The following ITGA11 variants were observed in gnomAD, a reference collection of about 807,000 sequenced individuals.
The protein encoded by ITGA11 is integrin alpha-11.
In ITGA11, 97 loss-of-function variants were observed where a neutral mutation model predicts 141.9. The observed-to-expected ratio is 0.68, with a 90% CI of 0.58 to 0.81. The LOEUF (loss-of-function observed/expected upper bound fraction) is 0.81, where lower values mean the gene tolerates loss of function less well. Among genes scored for constraint, ITGA11 ranks in the 30% least tolerant of loss-of-function variants. The pLI is 0.00. For synonymous variants in ITGA11, 658 were observed against 624.6 expected (o/e 1.05, Z -0.80); for missense variants, 1,387 against 1,559.2 (o/e 0.89, Z 1.86).
rs1892921189 is a variant in ITGA11 at position 68,296,885 on chromosome 15, T to C, written c.*6174A>G. Reference sequence around the variant, plus strand: ...CACTTTTATGGCTTCCCTTCCCTTCTTTCTCCTTCTCTTCTTTGGTTTAAA... The same window carrying C: ...CACTTTTATGGCTTCCCTTCCCTTCCTTCTCCTTCTCTTCTTTGGTTTAAA... On this transcript the variant is annotated 3_prime_UTR_variant, in exon 30 of 30. Transcript: ENST00000315757. 6.6e-6 allele frequency: 1 copy of C among 152,088 alleles called. No individual in the cohort carries two copies. Among genetic ancestry groups the C allele is most frequent in the South Asian group, 2.1e-4 (1 of 4,810 alleles). 9.4% of individuals were successfully genotyped at this position (152,088 alleles called of 1,614,324 possible). A position where few individuals can be genotyped will look rare whatever the true frequency, so the allele number is the denominator to read the frequency against.
At chr15:68,412,840 T>A (rs1896807064) in intron 1 of ITGA11, among the ~76,000 whole-genome samples, 1 of 152,028 alleles carries the variant, frequency 6.6e-6, no homozygotes, top group Non-Finnish European at 1.5e-5. Context: ...CATGCCTGGC[T>A]AATTTTTGTA....
chr15:68,317,076 G>A (rs1893604874), intron 21 of ITGA11, among the ~76,000 whole-genome samples, 189 bp downstream of exon 21: 1 of 152,184 alleles, frequency 6.6e-6, no homozygotes, highest in Non-Finnish European at 1.5e-5. Flanking sequence ...TGCTAGCATG[G>A]GGATGGCTGG....
chr15:68,310,598 A>G (rs551444181), intron 26 of ITGA11, among the ~76,000 whole-genome samples: 159 of 152,328 alleles, frequency 1.0e-3, no homozygotes, highest in African/African-American at 3.7e-3. Flanking sequence ...AAATGTCTCC[A>G]ATACAAGCCA....
chr15:68,350,495 T>G, intron 9 of ITGA11, 122 bp downstream of exon 9: 1 of 950,062 alleles, frequency 1.1e-6, no homozygotes, highest in Non-Finnish European at 1.5e-6. Context: ...TGGCCTGGCA[T>G]TTATTATTAC....
intron 2 of ITGA11, among the ~76,000 whole-genome samples, chr15:68,388,263 T>C (rs533849776): frequency 6.6e-6 from 1 of 152,270 alleles, no homozygotes; most frequent in South Asian, 2.1e-4. Context: ...TCCTTGAACA[T>C]CTCAAGCATG....
At chr15:68,405,367 T>C (rs966341237) in intron 1 of ITGA11, among the ~76,000 whole-genome samples, 1 of 152,046 alleles carries the variant, frequency 6.6e-6, no homozygotes, top group Non-Finnish European at 1.5e-5. Flanking sequence ...CTGGGCTCAG[T>C]AGGCAAGAGG....
chr15:68,328,335 C>G lies in ITGA11; in HGVS notation c.1902-73G>C. On this transcript the variant is annotated intron_variant, in intron 15 of 29. Coordinates refer to ENST00000315757, the MANE Select transcript of ITGA11 (RefSeq NM_001004439.2). The surrounding 1 kb of genome is among the most constrained non-coding windows in gnomAD (Gnocchi z 4.8). The stretch of plus-strand genomic sequence containing the variant: ...GCCCTGCTGTGACCATGGGGAAAGA[C>G]AAGAACCAGATGCGAGTGGGATCTG... 7.0e-7 allele frequency: 1 copy of G among 1,428,524 alleles called. No homozygotes were observed. The highest frequency in any genetic ancestry group is 2.3e-5 in the East Asian group (1 of 42,774). The allele number at this position is 1,428,524 out of a possible 1,614,324, so 88.5% of individuals were successfully genotyped here.
chr15:68,388,248 G>T (rs1209511454), intron 2 of ITGA11, among the ~76,000 whole-genome samples: 1 of 152,060 alleles, frequency 6.6e-6, no homozygotes, highest in Non-Finnish European at 1.5e-5. Flanking sequence ...AGCCACACTT[G>T]CTGTTCCTTG....
intron 1 of ITGA11, among the ~76,000 whole-genome samples, chr15:68,427,326 T>C (rs1897166553): frequency 6.6e-6 from 1 of 152,218 alleles, no homozygotes; most frequent in Non-Finnish European, 1.5e-5. Context: ...ATGAATTACA[T>C]ATGGACATTT....
At position 68,328,842 on chromosome 15, in the gene ITGA11, C is replaced by T. The variant is rs567784677; in HGVS notation, c.1902-580G>A. ...GTTCCATGGACCACACTTCGAAGAGCGAGGCGTTAAAGCACCCCAGGTGAT... is the reference window on the plus strand; with the variant it reads ...GTTCCATGGACCACACTTCGAAGAGTGAGGCGTTAAAGCACCCCAGGTGAT... On this transcript the variant is annotated intron_variant, in intron 15 of 29. Transcript: ENST00000315757. The surrounding 1 kb of genome is among the most constrained non-coding windows in gnomAD (Gnocchi z 4.8). 1.5e-4 allele frequency among the ~76,000 whole-genome samples: 23 copies of T among 152,252 alleles called. 2 individuals are homozygous for T. Among genetic ancestry groups the T allele is most frequent in the Admixed American group, 1.1e-3 (17 of 15,302 alleles).
rs756333395 is a variant in ITGA11, at chr15:68,332,474, C to G, written c.1430G>C (p.Gly477Ala). The change falls in exon 13 of 30, where the codon GGC (glycine) becomes GCC (alanine). Residue 477 changes from glycine to alanine, a missense_variant. Gly to Ala is a moderately conservative substitution (Grantham distance 60). Transcript: ENST00000315757. Reference sequence around the variant, plus strand: ...GGTGATTTCACTCCCAAAGTAAGAGCCTATCTGCGGCACGTGATGGGAGAG... The same window carrying G: ...GGTGATTTCACTCCCAAAGTAAGAGGCTATCTGCGGCACGTGATGGGAGAG... Reference protein sequence around the residue: ...IHQAMRGQQIGSYFGSEITSV... With the variant: ...IHQAMRGQQIASYFGSEITSV... 11 of 1,612,318 alleles carry G rather than the reference C, an allele frequency of 6.8e-6. No homozygotes were observed. In the Admixed American group the frequency reaches 1.8e-4, roughly 27 times the overall value.
rs1169550219 is a variant in ITGA11 at position 68,322,366 on chromosome 15, T to C, written c.2323-863A>G. On this transcript the variant is annotated intron_variant, in intron 18 of 29. Coordinates refer to ENST00000315757, the MANE Select transcript of ITGA11 (RefSeq NM_001004439.2). The surrounding 1 kb of genome is among the most constrained non-coding windows in gnomAD (Gnocchi z 5.6). ...ATGGAGGCTCGAGGCAGGGAGACCA[T>C]TGAGGAGGCTGCCACAACATTCGGG... is the stretch of plus-strand genomic sequence containing the variant. Among the ~76,000 whole-genome samples, 2 of 151,744 alleles carry C rather than the reference T, an allele frequency of 1.3e-5. No individual in the cohort carries two copies. The highest frequency in any genetic ancestry group is 2.1e-4 in the South Asian group (1 of 4,772).
chr15:68,350,878 T>G, intron 8 of ITGA11, 96 bp from the exon 9 acceptor site: 2 of 1,266,414 alleles, frequency 1.6e-6, no homozygotes. Context: ...CAGGGTGGGC[T>G]GGAGCCAGGG....
chr15:68,430,041 A>G (rs1897234110), intron 1 of ITGA11, among the ~76,000 whole-genome samples: 1 of 152,184 alleles, frequency 6.6e-6, no homozygotes, highest in Admixed American at 6.5e-5. Flanking sequence ...CAGATTGCAC[A>G]CACGCTAGGG....
At chr15:68,389,422 T>C (rs903667346) in intron 2 of ITGA11, among the ~76,000 whole-genome samples, 4 of 152,226 alleles carry the variant, frequency 2.6e-5, no homozygotes, top group East Asian at 3.9e-4. Flanking sequence ...GGGAGGAGCA[T>C]GGCAGCCCTG....
In ITGA11 at chr15:68,322,998, T is replaced by C. The variant is rs1893859984; in HGVS notation, c.2323-1495A>G. Reference sequence around the variant, plus strand: ...AAGCCTGGAGCTGAGGGGCAGTAACTGTCACTACCGACAACACAGCCCAAA... The same window carrying C: ...AAGCCTGGAGCTGAGGGGCAGTAACCGTCACTACCGACAACACAGCCCAAA... On this transcript the variant is annotated intron_variant, in intron 18 of 29. Transcript: ENST00000315757. This position sits in a 1 kb window ranked among gnomAD's most constrained non-coding sequence, Gnocchi z 5.6. Among the ~76,000 whole-genome samples, 1 of 152,206 alleles carries C rather than the reference T, an allele frequency of 6.6e-6. No homozygotes were observed. The highest frequency in any genetic ancestry group is 6.5e-5 in the Admixed American group (1 of 15,288).
chr15:68,330,894 A>G (rs1894133694), intron 15 of ITGA11, 87 bp downstream of exon 15: 1 of 1,526,208 alleles, frequency 6.6e-7, no homozygotes, highest in Non-Finnish European at 9.0e-7. Flanking sequence ...GACAAGAGAC[A>G]AAGATCCTGA....
chr15:68,375,207 C>T (rs1032621454), intron 2 of ITGA11, among the ~76,000 whole-genome samples: 9 of 152,222 alleles, frequency 5.9e-5, no homozygotes, highest in Admixed American at 1.3e-4. Flanking sequence ...ACACAGCCCC[C>T]GCTCCCTTAA....
intron 24 of ITGA11, 131 bp downstream of exon 24, chr15:68,312,642 C>T (rs531850573): frequency 7.0e-5 from 46 of 653,504 alleles, no homozygotes; most frequent in Admixed American, 1.3e-4. Flanking sequence ...TGACTAAAGT[C>T]GCACAGTGGG....
Sources: allele counts gnomAD v4.1 joint callset (sites outside exome capture counted in the v4.1 genomes callset), GRCh38; gene constraint gnomAD v4.1.1; non-coding constraint Gnocchi (gnomAD v3.1); transcripts MANE v1.5; gene names NCBI Gene and HGNC (gene_info 2026-07-23, HGNC 2026-07-21).